The following SCYL2 variants were observed in gnomAD, a reference collection of about 807,000 sequenced individuals.
The protein encoded by SCYL2 is SCY1-like protein 2.
Under a neutral mutation model 100.4 loss-of-function variants are expected in SCYL2, and 36 were observed. That is an observed-to-expected ratio of 0.36 (90% CI 0.27 to 0.47). The LOEUF (loss-of-function observed/expected upper bound fraction) is 0.47, where lower values mean the gene tolerates loss of function less well. SCYL2 is among the 20% of genes least tolerant of loss of function. SCYL2 has a pLI of 1.00. For synonymous variants in SCYL2, 330 were observed against 359.2 expected (o/e 0.92, Z 0.92); for missense variants, 902 against 1,083.9 (o/e 0.83, Z 2.36).
intron 1 of SCYL2, among the ~76,000 whole-genome samples, chr12:100,270,552 A>G (rs2096286483): frequency 6.6e-6 from 1 of 152,012 alleles, no homozygotes; most frequent in African/African-American, 2.4e-5. Flanking sequence ...ATCTTTCCTC[A>G]GATCTTACTT....
chr12:100,278,405 G>A (rs1236469866), intron 1 of SCYL2, among the ~76,000 whole-genome samples: 1 of 151,770 alleles, frequency 6.6e-6, no homozygotes, highest in Non-Finnish European at 1.5e-5. Flanking sequence ...TTACTGTGTT[G>A]CCTAGGCTCA....
Position 100,322,352 on chromosome 12 carries a change from G to A in SCYL2, c.1396-1173G>A, listed in dbSNP as rs1236192108. On this transcript the variant is annotated intron_variant, in intron 10 of 17. Transcript: ENST00000360820. ...CGCGCCACTGCACTCCAGCCTGGGC[G>A]ACAGAGCGAGACTCCGTCTCAAAAA... 1.9e-4 allele frequency among the ~76,000 whole-genome samples: 22 copies of A among 118,478 alleles called. No homozygotes were observed. The East Asian group carries it at 3.2e-3, about 17-fold the overall frequency. The allele number at this position is 118,478 out of a possible 152,430, so 77.7% of individuals were successfully genotyped here.
Position 100,339,414 on chromosome 12 carries a change from C to A in SCYL2, c.*242C>A. On this transcript the variant is annotated 3_prime_UTR_variant, in exon 18 of 18. Transcript: ENST00000360820. ...TCTTCAGGTTTTTAAAGACCCAGCC[C>A]TTCCCAATCTCAAAGAGAAAAAGGA... 2 of 435,006 alleles carry A rather than the reference C, an allele frequency of 4.6e-6. No homozygotes were observed. Among genetic ancestry groups the A allele is most frequent in the Admixed American group, 4.0e-5 (1 of 25,178 alleles). The allele number at this position is 435,006 out of a possible 1,614,324, so 26.9% of individuals were successfully genotyped here. A position where few individuals can be genotyped will look rare whatever the true frequency, so the allele number is the denominator to read the frequency against.
chr12:100,329,867 G>A (rs1952187080), intron 13 of SCYL2, among the ~76,000 whole-genome samples: 1 of 152,122 alleles, frequency 6.6e-6, no homozygotes, highest in African/African-American at 2.4e-5. Flanking sequence ...TTGTACTTAG[G>A]GCCTCCATTC....
intron 2 of SCYL2, among the ~76,000 whole-genome samples, chr12:100,287,390 C>T (rs1256327246): frequency 6.6e-6 from 1 of 152,026 alleles, no homozygotes; most frequent in Non-Finnish European, 1.5e-5. Flanking sequence ...ACCTCCTGGG[C>T]TCAAGCAATC....
At chr12:100,306,204 A>T (rs1218371509) in intron 4 of SCYL2, among the ~76,000 whole-genome samples, 1 of 152,190 alleles carries the variant, frequency 6.6e-6, no homozygotes, top group African/African-American at 2.4e-5. Flanking sequence ...CAACAAAAGA[A>T]GAAAATTTCA....
intron 2 of SCYL2, among the ~76,000 whole-genome samples, chr12:100,289,584 T>C (rs1448918713): frequency 6.6e-6 from 1 of 152,240 alleles, no homozygotes; most frequent in East Asian, 1.9e-4. Flanking sequence ...ATTTGTAAGA[T>C]TTTCTAGTAG....
At chr12:100,336,665 T>C (rs950710560) in intron 16 of SCYL2, among the ~76,000 whole-genome samples, 1 of 152,158 alleles carries the variant, frequency 6.6e-6, no homozygotes, top group Admixed American at 6.5e-5. Context: ...TGATTCCATC[T>C]CATAAGTAGA....
chr12:100,291,432 A>G (rs923708807), intron 2 of SCYL2, 71 bp from the exon 3 acceptor site: 4 of 1,034,638 alleles, frequency 3.9e-6, no homozygotes, highest in Non-Finnish European at 5.5e-6. Flanking sequence ...TTATTTGTAG[A>G]TTGTGACATT....
Position 100,339,921 on chromosome 12 carries a change from G to A in SCYL2, c.*749G>A, listed in dbSNP as rs2135951971. 6.6e-6 allele frequency: 1 copy of A among 152,568 alleles called. No individual in the cohort carries two copies. The allele number at this position is 152,568 out of a possible 1,614,324, so 9.5% of individuals were successfully genotyped here. On this transcript the variant is annotated 3_prime_UTR_variant, in exon 18 of 18. Coordinates refer to ENST00000360820, the MANE Select transcript of SCYL2 (RefSeq NM_017988.6). ...TTTTTCCTCCTGTATCAAGGAAGAGGTATGTGCTGATTTGTTTGGATATTT... is the reference window on the plus strand; with the variant it reads ...TTTTTCCTCCTGTATCAAGGAAGAGATATGTGCTGATTTGTTTGGATATTT...
At chr12:100,275,033 A>G (rs1389469412) in intron 1 of SCYL2, among the ~76,000 whole-genome samples, 1 of 152,108 alleles carries the variant, frequency 6.6e-6, no homozygotes, top group Non-Finnish European at 1.5e-5. Flanking sequence ...ATCACAGTAT[A>G]TATCGTTCCA....
At chr12:100,301,882 G>A (rs577333330) in intron 4 of SCYL2, among the ~76,000 whole-genome samples, 8 of 152,286 alleles carry the variant, frequency 5.3e-5, no homozygotes, top group African/African-American at 9.6e-5. Flanking sequence ...CTGGGTCACC[G>A]CCCTGAAGCC....
intron 1 of SCYL2, among the ~76,000 whole-genome samples, chr12:100,281,029 T>G (rs1056610275): frequency 7.8e-6 from 1 of 127,616 alleles, no homozygotes; most frequent in African/African-American, 3.3e-5. Flanking sequence ...GTTTTTTTTT[T>G]TTTTTTTTTT....
chr12:100,275,482 T>C (rs1315715634), intron 1 of SCYL2, among the ~76,000 whole-genome samples: 2 of 152,294 alleles, frequency 1.3e-5, no homozygotes, highest in East Asian at 3.9e-4. Context: ...AGGCATGAAT[T>C]ACTATGCCCA....
At chr12:100,324,042 T>A (rs566232596) in intron 11 of SCYL2, among the ~76,000 whole-genome samples, 1 of 152,274 alleles carries the variant, frequency 6.6e-6, no homozygotes, top group Admixed American at 6.5e-5. Flanking sequence ...AATGTCTTAT[T>A]TCTCACTGAC....
chr12:100,340,044 A>G lies in SCYL2; in HGVS notation c.*872A>G, dbSNP rs1158198665. 1 of 152,644 alleles carries G rather than the reference A, an allele frequency of 6.6e-6. No homozygotes were observed. Among genetic ancestry groups the G allele is most frequent in the African/African-American group, 2.4e-5 (1 of 41,466 alleles). The allele number at this position is 152,644 out of a possible 1,614,324, so 9.5% of individuals were successfully genotyped here. ...GCAGCATATATGAATTGCATTTTCA[A>G]AAGAAGATTTGTAAGAATTAAACTA... On this transcript the variant is annotated 3_prime_UTR_variant, in exon 18 of 18. Transcript: ENST00000360820.
intron 13 of SCYL2, among the ~76,000 whole-genome samples, chr12:100,330,551 A>C (rs1952196406): frequency 6.6e-6 from 1 of 152,226 alleles, no homozygotes. Context: ...TCACAACAGA[A>C]CTAGTATTTA....
At chr12:100,269,710 A>G (rs1432579218) in intron 1 of SCYL2, among the ~76,000 whole-genome samples, 1 of 152,178 alleles carries the variant, frequency 6.6e-6, no homozygotes, top group African/African-American at 2.4e-5. Flanking sequence ...ATTTGAACTC[A>G]GATTTCCTTA....
intron 13 of SCYL2, among the ~76,000 whole-genome samples, chr12:100,329,709 A>G (rs1952184881): frequency 6.6e-6 from 1 of 152,248 alleles, no homozygotes; most frequent in Non-Finnish European, 1.5e-5. Flanking sequence ...GGGTCAGGCC[A>G]GAACATGGCT....
Sources: gnomAD v4.1 joint callset for allele counts (sites outside exome capture counted in the v4.1 genomes callset) on GRCh38, gnomAD v4.1.1 for gene constraint, MANE v1.5 for transcripts, NCBI Gene and HGNC (gene_info 2026-07-23, HGNC 2026-07-21) for gene names.